Variants in POLR1C observed in about 807,000 individuals in gnomAD.
POLR1C encodes the protein RNA polymerase I and III subunit C.
Under a neutral mutation model 38.3 loss-of-function variants are expected in POLR1C, and 42 were observed. The ratio of observed to expected loss-of-function variants is 1.10; its 90% CI spans 0.86 to 1.42. The LOEUF is 1.42. Among genes scored for constraint, POLR1C ranks in the 40% most tolerant of loss-of-function variants. POLR1C has a pLI of 0.00. For synonymous variants in POLR1C, 163 were observed against 163.9 expected (o/e 0.99, Z 0.04); for missense variants, 507 against 450.5 (o/e 1.13, Z -1.14).
At chr6:43,544,634 A>G (rs1195514087) in intron 9 of POLR1C, among the ~76,000 whole-genome samples, 1 of 152,112 alleles carries the variant, frequency 6.6e-6, no homozygotes, top group African/African-American at 2.4e-5. Flanking sequence ...TTTAAAAAAC[A>G]TCACTATGGG....
At chr6:43,518,373 T>C (rs1006198405) in intron 2 of POLR1C, among the ~76,000 whole-genome samples, 9 of 152,216 alleles carry the variant, frequency 5.9e-5, no homozygotes, top group Non-Finnish European at 1.2e-4. Flanking sequence ...TGGGAACTGC[T>C]TTGATGCATT....
At chr6:43,522,434 A>G (rs1371442818), downstream of POLR1C, 1 of 158,528 alleles carries the variant, frequency 6.3e-6, no homozygotes, top group Non-Finnish European at 1.4e-5. Flanking sequence ...TCTAGCATGA[A>G]GTCACAGGAT....
chr6:43,519,533 T>A, intron 3 of POLR1C, 93 bp downstream of exon 3: 1 of 1,353,248 alleles, frequency 7.4e-7, no homozygotes, highest in Non-Finnish European at 1.1e-6. Context: ...TGTCCTTCCC[T>A]CCTTAATTTT....
chr6:43,559,064 A>C (rs1762264647), intron 10 of POLR1C: 3 of 152,988 alleles, frequency 2.0e-5, no homozygotes, highest in Admixed American at 1.3e-4. Context: ...TGGGAGGCCG[A>C]GGCGGGTGGA....
intron 9 of POLR1C, among the ~76,000 whole-genome samples, chr6:43,537,393 G>A (rs1334828569): frequency 1.3e-5 from 2 of 152,072 alleles, no homozygotes; most frequent in African/African-American, 4.8e-5. Context: ...AGGATTATCT[G>A]CTAAAAAACT....
At chr6:43,531,996 C>T (rs1794018876), downstream of POLR1C, among the ~76,000 whole-genome samples, 1 of 152,114 alleles carries the variant, frequency 6.6e-6, no homozygotes, top group Non-Finnish European at 1.5e-5. Flanking sequence ...CTTAAAATAT[C>T]TATATTTTTA....
chr6:43,519,127 G>A (rs1041368594), intron 2 of POLR1C: 6 of 616,976 alleles, frequency 9.7e-6, no homozygotes, highest in African/African-American at 7.3e-5. Flanking sequence ...TATTGCATAG[G>A]GTTTTAATGA....
rs935261230 is a variant in POLR1C, at chr6:43,553,350, C to T, written c.*48+2339C>T. On this transcript the variant is annotated intron_variant, in intron 10 of 10. Coordinates refer to the POLR1C transcript ENST00000607635. The stretch of plus-strand genomic sequence containing the variant: ...AAAAAGGTCAAAATAATCATGCAGT[C>T]AGCATGGGAAATAATTACTTACTTC... 22 of 1,598,590 alleles carry T rather than the reference C, an allele frequency of 1.4e-5. No individual in the cohort carries two copies. The East Asian group carries it at 1.6e-4, about 11-fold the overall frequency.
At chr6:43,522,418 A>C (rs1793244092), downstream of POLR1C, 1 of 160,428 alleles carries the variant, frequency 6.2e-6, no homozygotes, top group African/African-American at 2.4e-5. Context: ...TAAACAATAG[A>C]AAATTTCTAG....
chr6:43,551,174 T>G (rs541820374), intron 10 of POLR1C: 1 of 1,043,568 alleles, frequency 9.6e-7, no homozygotes, highest in South Asian at 2.2e-5. Flanking sequence ...GAGGATCCCT[T>G]GAGACTAGTA....
intron 9 of POLR1C, among the ~76,000 whole-genome samples, chr6:43,545,492 C>T (rs563818350): frequency 5.2e-4 from 79 of 151,996 alleles, no homozygotes; most frequent in African/African-American, 1.5e-3. Flanking sequence ...TGATCACTTG[C>T]GGCCAGGAGT....
chr6:43,547,387 G>A, intron 9 of POLR1C: 1 of 628,310 alleles, frequency 1.6e-6, no homozygotes, highest in Non-Finnish European at 2.9e-6. Flanking sequence ...GATCCTTAAA[G>A]CCAAAATAAT....
chr6:43,559,552 C>T (rs1351046365), intron 10 of POLR1C, among the ~76,000 whole-genome samples: 1 of 152,192 alleles, frequency 6.6e-6, no homozygotes, highest in Non-Finnish European at 1.5e-5. Context: ...TAGATATTGC[C>T]TCCTCTTGGA....
At chr6:43,549,646 T>C (rs1305863902) in intron 9 of POLR1C, 20 of 1,533,976 alleles carry the variant, frequency 1.3e-5, no homozygotes, top group Admixed American at 7.7e-5. Context: ...CATAGACTCA[T>C]GTGAATATCT....
At chr6:43,530,165 A>G (rs1028319700), downstream of POLR1C, among the ~76,000 whole-genome samples, 3 of 152,130 alleles carry the variant, frequency 2.0e-5, no homozygotes, top group Admixed American at 1.3e-4. Context: ...GCTGAGGCAC[A>G]TGAATCACTT....
intron 9 of POLR1C, chr6:43,546,849 C>G: frequency 1.7e-6 from 2 of 1,175,604 alleles, no homozygotes; most frequent in Non-Finnish European, 2.3e-6. Flanking sequence ...AAAAGTGACA[C>G]AGAGGCCAGA....
In POLR1C at chr6:43,517,331, A is replaced by G; in HGVS notation, c.95A>G (p.Asn32Ser). The change falls in exon 2 of 9, where the codon AAC becomes AGC. Residue 32 changes from asparagine (N) to serine (S), a missense_variant. Asn to Ser is a conservative substitution (Grantham distance 46). Transcript: ENST00000642195. ...RNVHTTDFPG[N>S]YSGYDDAWDQ... ...GTCCATACTACTGACTTTCCCGGTAACTATTCCGGTTATGATGATGCCTGG... is the reference window on the plus strand; with the variant it reads ...GTCCATACTACTGACTTTCCCGGTAGCTATTCCGGTTATGATGATGCCTGG... The G allele has an allele frequency of 1.2e-6, 2 of 1,614,116 alleles. No individual in the cohort carries two copies. The highest frequency in any genetic ancestry group is 2.2e-5 in the South Asian group (2 of 91,086).
rs1762065624 is a variant in POLR1C at position 43,556,076 on chromosome 6, T to C, written c.*48+5065T>C. On this transcript the variant is annotated intron_variant, in intron 10 of 10. Coordinates refer to the POLR1C transcript ENST00000607635. ...GGGAAAAGCATTCAAAGGAACTGTT[T>C]TGCAGACTTGTGCTTTGCATGTAAT... is the stretch of plus-strand genomic sequence containing the variant. 3 of 1,415,124 alleles carry C rather than the reference T, an allele frequency of 2.1e-6. No individual in the cohort carries two copies. In the Admixed American group the frequency reaches 6.9e-5, roughly 33 times the overall value. The allele number at this position is 1,415,124 out of a possible 1,614,324, so 87.7% of individuals were successfully genotyped here.
At chr6:43,525,427 C>T, downstream of POLR1C, 2 of 556,754 alleles carry the variant, frequency 3.6e-6, no homozygotes, top group Non-Finnish European at 6.3e-6. Flanking sequence ...TGTGTGCCAC[C>T]ATGCCTGGCT....
Sources: gnomAD v4.1 joint callset for allele counts (sites outside exome capture counted in the v4.1 genomes callset) on GRCh38, gnomAD v4.1.1 for gene constraint, MANE v1.5 for transcripts, NCBI Gene and HGNC (gene_info 2026-07-23, HGNC 2026-07-21) for gene names.